Variants in CNTNAP2 observed in about 807,000 individuals in gnomAD.
The protein encoded by CNTNAP2 is contactin associated protein 2.
CNTNAP2 carries 98 observed loss-of-function variants against 155.2 expected under a neutral mutation model. The ratio of observed to expected loss-of-function variants is 0.63; its 90% CI spans 0.54 to 0.75. The LOEUF (loss-of-function observed/expected upper bound fraction) is 0.75, where lower values mean the gene tolerates loss of function less well. Ranked by LOEUF, CNTNAP2 falls within the 30% of genes least tolerant of loss-of-function variation. The pLI, the probability that CNTNAP2 is intolerant of heterozygous loss-of-function variation, is 0.00. For missense variants in CNTNAP2, 1,727 were observed against 1,688.1 expected (o/e 1.02, Z -0.40); for synonymous variants, 651 against 631.2 (o/e 1.03, Z -0.47).
intron 18 of CNTNAP2, 121 bp from the exon 19 acceptor site, chr7:148,217,167 C>T: frequency 1.1e-6 from 1 of 874,420 alleles, no homozygotes; most frequent in Non-Finnish European, 1.9e-6. Flanking sequence ...CTCCATAGAA[C>T]TTACTCAGAT....
At chr7:146,398,006 T>C (rs1795657425) in intron 1 of CNTNAP2, among the ~76,000 whole-genome samples, 1 of 151,742 alleles carries the variant, frequency 6.6e-6, no homozygotes, top group Non-Finnish European at 1.5e-5. Context: ...CCCCGGTAGC[T>C]GGGACTTCAG....
chr7:147,773,505 C>G (rs12532190), intron 13 of CNTNAP2, among the ~76,000 whole-genome samples: 2,019 of 152,194 alleles, frequency 0.013, 103 homozygotes, highest in Admixed American at 0.089. Flanking sequence ...CAAAACAAAA[C>G]AAACCTTGAA....
intron 8 of CNTNAP2, among the ~76,000 whole-genome samples, chr7:147,224,486 G>A (rs1048194045): frequency 3.3e-5 from 5 of 152,200 alleles, no homozygotes; most frequent in African/African-American, 1.2e-4. Context: ...TGACCTGTGG[G>A]CTATGTGTGC....
At chr7:148,070,022 G>A (rs935084922) in intron 15 of CNTNAP2, among the ~76,000 whole-genome samples, 1 of 152,148 alleles carries the variant, frequency 6.6e-6, no homozygotes, top group Admixed American at 6.5e-5. Context: ...GGATAAAGAA[G>A]CAGGCTAAGC....
At chr7:148,191,355 G>A (rs1168234159) in intron 18 of CNTNAP2, among the ~76,000 whole-genome samples, 2 of 151,972 alleles carry the variant, frequency 1.3e-5, no homozygotes, top group Admixed American at 1.3e-4. Context: ...TCAACAAGAA[G>A]GCTCTCACAA....
chr7:146,162,144 A>T (rs1798233292), intron 1 of CNTNAP2, among the ~76,000 whole-genome samples: 2 of 152,222 alleles, frequency 1.3e-5, no homozygotes, highest in South Asian at 4.1e-4. Flanking sequence ...ATGGCAACAA[A>T]AGACAAAATT....
chr7:148,388,159 T>C (rs1408606420), intron 22 of CNTNAP2, among the ~76,000 whole-genome samples: 1 of 152,184 alleles, frequency 6.6e-6, no homozygotes, highest in Non-Finnish European at 1.5e-5. Flanking sequence ...GTTTTATTAT[T>C]ATACTTTAAG....
intron 1 of CNTNAP2, among the ~76,000 whole-genome samples, chr7:146,532,911 C>G (rs2129139503): frequency 6.6e-6 from 1 of 151,768 alleles, no homozygotes; most frequent in South Asian, 2.1e-4. Flanking sequence ...GCTGAAACCC[C>G]ATCTCTACTA....
At chr7:146,685,607 G>C (rs145461627) in intron 1 of CNTNAP2, among the ~76,000 whole-genome samples, 1 of 152,058 alleles carries the variant, frequency 6.6e-6, no homozygotes, top group Non-Finnish European at 1.5e-5. Flanking sequence ...GAACAAATAA[G>C]TGCTGAATAA....
At chr7:147,435,240 G>A (rs1797531530) in intron 10 of CNTNAP2, among the ~76,000 whole-genome samples, 2 of 152,122 alleles carry the variant, frequency 1.3e-5, no homozygotes, top group South Asian at 4.1e-4. Flanking sequence ...CTGCAGGTTG[G>A]AAATCTACAA....
intron 9 of CNTNAP2, among the ~76,000 whole-genome samples, chr7:147,371,025 AACTG>A (rs1796330410): frequency 1.3e-5 from 2 of 152,124 alleles, no homozygotes; most frequent in Admixed American, 6.6e-5. Flanking sequence ...CATGTGCTAT[AACTG>A]ACTGTCAATG....
intron 13 of CNTNAP2, among the ~76,000 whole-genome samples, chr7:147,851,733 G>T (rs558428128): frequency 7.4e-4 from 107 of 144,300 alleles, no homozygotes; most frequent in Middle Eastern, 3.8e-3. Context: ...ACACAGGAAG[G>T]GGAACATCAC....
At chr7:147,288,681 G>A (rs1805236114) in intron 8 of CNTNAP2, among the ~76,000 whole-genome samples, 1 of 152,144 alleles carries the variant, frequency 6.6e-6, no homozygotes, top group South Asian at 2.1e-4. Context: ...TATTAAGTGT[G>A]ACATCTCTTC....
intron 1 of CNTNAP2, among the ~76,000 whole-genome samples, chr7:146,350,221 G>A (rs554427343): frequency 1.1e-4 from 17 of 151,160 alleles, no homozygotes; most frequent in East Asian, 1.9e-4. Context: ...CATTCATTTC[G>A]TCTTCCATCA....
intron 10 of CNTNAP2, among the ~76,000 whole-genome samples, chr7:147,474,859 G>A (rs191808430): frequency 6.6e-6 from 1 of 152,270 alleles, no homozygotes; most frequent in Admixed American, 6.5e-5. Flanking sequence ...AGGGCAGGGA[G>A]GGGAAAGCTG....
At chr7:147,850,721 G>A (rs1231171971) in intron 13 of CNTNAP2, among the ~76,000 whole-genome samples, 2 of 152,204 alleles carry the variant, frequency 1.3e-5, no homozygotes, top group African/African-American at 2.4e-5. Context: ...CTAGCCATAT[G>A]TAGAAAGCTG....
At chr7:148,195,901 G>T (rs1795268884) in intron 18 of CNTNAP2, among the ~76,000 whole-genome samples, 1 of 151,764 alleles carries the variant, frequency 6.6e-6, no homozygotes, top group African/African-American at 2.4e-5. Context: ...AAAAAAAATG[G>T]GTCTGCTCAG....
At chr7:147,256,369 G>T (rs1381991452) in intron 8 of CNTNAP2, among the ~76,000 whole-genome samples, 1 of 152,116 alleles carries the variant, frequency 6.6e-6, no homozygotes, top group Non-Finnish European at 1.5e-5. Flanking sequence ...CTTGAAGGGG[G>T]CTCTGTATTC....
At chr7:147,173,506 A>C (rs1802272887) in intron 8 of CNTNAP2, among the ~76,000 whole-genome samples, 1 of 152,208 alleles carries the variant, frequency 6.6e-6, no homozygotes, top group Admixed American at 6.5e-5. Context: ...TTATAAAAAC[A>C]AATGGGGATC....
Sources: allele counts gnomAD v4.1 joint callset (sites outside exome capture counted in the v4.1 genomes callset), GRCh38; gene constraint gnomAD v4.1.1; transcripts MANE v1.5; gene names NCBI Gene and HGNC (gene_info 2026-07-23, HGNC 2026-07-21).